SLC38A6: variants seen among roughly 807,000 people sequenced by gnomAD.
SLC38A6 encodes N system amino acid transporter NAT-1.
In SLC38A6, 73 loss-of-function variants were observed where a neutral mutation model predicts 65.0. That is an observed-to-expected ratio of 1.12 (90% confidence interval 0.93 to 1.37). The LOEUF (loss-of-function observed/expected upper bound fraction) is 1.37, where lower values mean the gene tolerates loss of function less well. Ranked by LOEUF, SLC38A6 falls within the 40% of genes most tolerant of loss-of-function variation. The pLI is 0.00. For missense variants in SLC38A6, 561 were observed against 531.1 expected (o/e 1.06, Z -0.55); for synonymous variants, 183 against 178.8 (o/e 1.02, Z -0.19).
At chr14:61,061,534 C>G (rs900476002) in intron 15 of SLC38A6, among the ~76,000 whole-genome samples, 4 of 152,132 alleles carry the variant, frequency 2.6e-5, no homozygotes, top group Admixed American at 6.6e-5. Context: ...TGTACATTTC[C>G]ACTGATCATT....
At chr14:61,012,828 T>C (rs952394027) in intron 3 of SLC38A6, among the ~76,000 whole-genome samples, 3 of 152,160 alleles carry the variant, frequency 2.0e-5, no homozygotes, top group Non-Finnish European at 4.4e-5. Flanking sequence ...TTGGAATAGG[T>C]GTGGTGTGGT....
intron 3 of SLC38A6, among the ~76,000 whole-genome samples, chr14:61,008,253 T>A (rs2039298244): frequency 1.3e-5 from 2 of 152,128 alleles, no homozygotes; most frequent in Non-Finnish European, 2.9e-5. Context: ...AGTTAAAATT[T>A]TTGTTCTTAA....
At chr14:61,012,465 A>G (rs1441180009) in intron 3 of SLC38A6, among the ~76,000 whole-genome samples, 1 of 151,448 alleles carries the variant, frequency 6.6e-6, no homozygotes, top group Non-Finnish European at 1.5e-5. Flanking sequence ...TAGTTCTTTT[A>G]TTGTGATGTT....
intron 12 of SLC38A6, chr14:61,048,153 T>C: frequency 2.2e-6 from 1 of 454,656 alleles, no homozygotes; most frequent in Non-Finnish European, 4.4e-6. Context: ...TCTACCAGGA[T>C]AACAGGAGCT....
intron 5 of SLC38A6, among the ~76,000 whole-genome samples, chr14:61,029,155 CTTTTT>C (rs111427405): frequency 7.7e-6 from 1 of 130,342 alleles, no homozygotes; most frequent in African/African-American, 2.8e-5. Context: ...ACTCTTTATT[CTTTTT>C]TTTTTTTTTT....
chr14:61,013,164 T>G (rs961585057), intron 3 of SLC38A6, among the ~76,000 whole-genome samples: 4 of 152,210 alleles, frequency 2.6e-5, no homozygotes, highest in Admixed American at 6.5e-5. Context: ...CTTTTTATCT[T>G]TGTTGGTTTA....
intron 14 of SLC38A6, 24 bp from the exon 15 acceptor site, chr14:61,052,017 C>G (rs766271680): frequency 1.3e-6 from 2 of 1,596,478 alleles, no homozygotes; most frequent in Non-Finnish European, 1.7e-6. Flanking sequence ...AATATCCTCT[C>G]TTTTTTTTCC....
downstream of SLC38A6, among the ~76,000 whole-genome samples, chr14:61,053,925 GC>G (rs2042616876): frequency 6.6e-6 from 1 of 152,068 alleles, no homozygotes; most frequent in South Asian, 2.1e-4. Context: ...ATTGCTTGGT[GC>G]CTTTGTCATG....
chr14:61,008,041 AAT>A (rs2039281358), intron 3 of SLC38A6, among the ~76,000 whole-genome samples: 2 of 152,164 alleles, frequency 1.3e-5, no homozygotes, highest in African/African-American at 4.8e-5. Flanking sequence ...TATGTTCTAA[AAT>A]ATGTCTCAAA....
chr14:61,018,278 C>G (rs988193718), intron 4 of SLC38A6, among the ~76,000 whole-genome samples: 1 of 152,148 alleles, frequency 6.6e-6, no homozygotes, highest in Non-Finnish European at 1.5e-5. Context: ...TACACAAGTT[C>G]AAAATAGTCT....
chr14:60,991,163 C>T (rs1312261356), intron 3 of SLC38A6, among the ~76,000 whole-genome samples: 1 of 152,098 alleles, frequency 6.6e-6, no homozygotes, highest in Non-Finnish European at 1.5e-5. Context: ...CATAGCATTC[C>T]TTTGCTCAAA....
At chr14:60,986,429 A>G (rs1390244765) in intron 3 of SLC38A6, among the ~76,000 whole-genome samples, 1 of 152,200 alleles carries the variant, frequency 6.6e-6, no homozygotes, top group African/African-American at 2.4e-5. Flanking sequence ...AAGTCCTCCA[A>G]GTGATTCTTA....
intron 11 of SLC38A6, 150 bp from the exon 12 acceptor site, chr14:61,045,917 G>T: frequency 1.9e-6 from 1 of 528,842 alleles, no homozygotes; most frequent in Non-Finnish European, 3.4e-6. Context: ...TGTAATCTTT[G>T]TGTACTAATT....
rs113709652 is a variant in SLC38A6 at position 61,069,675 on chromosome 14, G to A, written c.1291-9135G>A. Among the ~76,000 whole-genome samples, 1,170 of 152,046 alleles carry A rather than the reference G, an allele frequency of 7.7e-3. 17 individuals carry two copies. Among genetic ancestry groups the A allele is most frequent in the African/African-American group, 0.027 (1,101 of 41,450 alleles). ...CACTCTAGTCTACCCCTTATTATCTGTATGATTATTTTGGTATACCATTAG... is the reference window on the plus strand; with the variant it reads ...CACTCTAGTCTACCCCTTATTATCTATATGATTATTTTGGTATACCATTAG... On this transcript the variant is annotated intron_variant, in intron 15 of 16. Transcript: ENST00000354886.
At chr14:60,992,442 A>G (rs1369717957) in intron 3 of SLC38A6, among the ~76,000 whole-genome samples, 1 of 152,064 alleles carries the variant, frequency 6.6e-6, no homozygotes, top group Admixed American at 6.6e-5. Flanking sequence ...CTCCTTCCTT[A>G]TTGCTACTGT....
At chr14:61,010,820 G>A (rs2039504876) in intron 3 of SLC38A6, among the ~76,000 whole-genome samples, 1 of 152,180 alleles carries the variant, frequency 6.6e-6, no homozygotes, top group East Asian at 1.9e-4. Context: ...GTAGCGTGAT[G>A]CCTCCAGCTT....
chr14:61,076,217 A>G (rs1165506920), intron 15 of SLC38A6, among the ~76,000 whole-genome samples: 1 of 152,182 alleles, frequency 6.6e-6, no homozygotes, highest in Non-Finnish European at 1.5e-5. Context: ...CCCCTAGGGA[A>G]GAGCACTCCC....
At chr14:61,034,010 A>G (rs2041174889) in intron 6 of SLC38A6, 1 of 152,158 alleles carries the variant, frequency 6.6e-6, no homozygotes, top group South Asian at 2.1e-4. Flanking sequence ...CCTTTTGCTG[A>G]TTTTACAGAC....
chr14:61,074,581 C>T (rs1184115376), intron 15 of SLC38A6, among the ~76,000 whole-genome samples: 1 of 152,144 alleles, frequency 6.6e-6, no homozygotes, highest in Non-Finnish European at 1.5e-5. Flanking sequence ...CCCAAAGACC[C>T]CATCTTGAAA....
Sources: gnomAD v4.1 joint callset for allele counts (sites outside exome capture counted in the v4.1 genomes callset) on GRCh38, gnomAD v4.1.1 for gene constraint, MANE v1.5 for transcripts, NCBI Gene and HGNC (gene_info 2026-07-23, HGNC 2026-07-21) for gene names.